LINGO2: variants seen among roughly 807,000 people sequenced by gnomAD.
The protein encoded by LINGO2 is leucine-rich repeat and immunoglobulin-like domain-containing nogo receptor-interacting protein 2.
In LINGO2, 14 loss-of-function variants were observed where a neutral mutation model predicts 30.6. The observed-to-expected ratio is 0.46, with a 90% confidence interval of 0.30 to 0.72. The LOEUF is 0.72. Among genes scored for constraint, LINGO2 ranks in the 30% least tolerant of loss-of-function variants. The pLI is 0.07. For missense variants in LINGO2, 729 were observed against 751.7 expected (o/e 0.97, Z 0.35); for synonymous variants, 317 against 288.5 (o/e 1.10, Z -1.00).
intron 4 of LINGO2, among the ~76,000 whole-genome samples, chr9:28,211,428 A>C (rs1165828290): frequency 6.6e-6 from 1 of 151,190 alleles, no homozygotes. Context: ...TTAAAGGTGT[A>C]CTGCCATGGT....
At chr9:28,275,008 C>T (rs7044934) in intron 4 of LINGO2, among the ~76,000 whole-genome samples, 1,834 of 152,208 alleles carry the variant, frequency 0.012, 49 homozygotes, top group African/African-American at 0.042. Context: ...TCTTCACCTC[C>T]GTCTTAAGTC....
At chr9:29,115,418 A>G in the LINGO2 span, among the ~76,000 whole-genome samples, 1 of 152,202 alleles carries the variant, frequency 6.6e-6, no homozygotes, top group South Asian at 2.1e-4. Flanking sequence ...TGAAACACCA[A>G]TCTTGAGTTT....
the LINGO2 span, among the ~76,000 whole-genome samples, chr9:29,184,342 G>A: frequency 6.6e-6 from 1 of 152,016 alleles, no homozygotes; most frequent in South Asian, 2.1e-4. Context: ...CTCTCAGGGA[G>A]TGTCACATAA....
the LINGO2 span, among the ~76,000 whole-genome samples, chr9:29,156,271 C>G: frequency 2.0e-5 from 3 of 152,024 alleles, no homozygotes; most frequent in Non-Finnish European, 2.9e-5. Context: ...AAAAAAGCCC[C>G]ATTAGACTTT....
At chr9:28,599,893 C>T (rs1183148884) in intron 1 of LINGO2, among the ~76,000 whole-genome samples, 4 of 152,038 alleles carry the variant, frequency 2.6e-5, no homozygotes, top group Non-Finnish European at 2.9e-5. Flanking sequence ...CAAGAGAAAC[C>T]ATGTGTGTTA....
chr9:28,819,606 C>G, the LINGO2 span, among the ~76,000 whole-genome samples: 2 of 152,084 alleles, frequency 1.3e-5, no homozygotes, highest in Non-Finnish European at 2.9e-5. Context: ...ACTCAAACAG[C>G]TATTATATTG....
At chr9:29,203,280 T>C in the LINGO2 span, among the ~76,000 whole-genome samples, 1 of 152,158 alleles carries the variant, frequency 6.6e-6, no homozygotes, top group African/African-American at 2.4e-5. Flanking sequence ...ATTAAAACCA[T>C]GTACAGCCAG....
intron 4 of LINGO2, among the ~76,000 whole-genome samples, chr9:28,218,297 T>C (rs1820840487): frequency 1.3e-5 from 2 of 151,366 alleles, no homozygotes; most frequent in Admixed American, 6.6e-5. Flanking sequence ...TTTTTAGTTA[T>C]GGAAATTTGG....
At chr9:28,045,879 T>TAC (rs1381042021) in intron 4 of LINGO2, among the ~76,000 whole-genome samples, 1 of 152,204 alleles carries the variant, frequency 6.6e-6, no homozygotes, top group Non-Finnish European at 1.5e-5. Context: ...TCTTCCCATC[T>TAC]ACTACAACCC....
chr9:29,008,759 A>C, the LINGO2 span, among the ~76,000 whole-genome samples: 1,004 of 152,068 alleles, frequency 6.6e-3, 15 homozygotes, highest in African/African-American at 0.023. Context: ...CCTTCACCCA[A>C]TTTTTGATGG....
the LINGO2 span, among the ~76,000 whole-genome samples, chr9:28,961,526 C>T: frequency 1.3e-5 from 2 of 152,260 alleles, no homozygotes; most frequent in East Asian, 1.9e-4. Context: ...ACTTAAACTA[C>T]AATTTATAAT....
At chr9:29,173,207 C>G in the LINGO2 span, among the ~76,000 whole-genome samples, 2 of 151,928 alleles carry the variant, frequency 1.3e-5, no homozygotes, top group Non-Finnish European at 2.9e-5. Flanking sequence ...AATAGAGTGT[C>G]CTGACTACTA....
chr9:27,983,126 T>G (rs1314312212), intron 5 of LINGO2, among the ~76,000 whole-genome samples: 1 of 151,936 alleles, frequency 6.6e-6, no homozygotes. Context: ...ACATACATTT[T>G]ATGTCTCAGA....
the LINGO2 span, among the ~76,000 whole-genome samples, chr9:29,188,476 C>A: frequency 6.6e-6 from 1 of 152,274 alleles, no homozygotes; most frequent in South Asian, 2.1e-4. Flanking sequence ...CCTTTCCCGC[C>A]TTTCTATTCC....
At chr9:27,974,427 C>G (rs199922883) in intron 5 of LINGO2, among the ~76,000 whole-genome samples, 1 of 152,016 alleles carries the variant, frequency 6.6e-6, no homozygotes, top group Admixed American at 6.6e-5. Flanking sequence ...TTTTGAAGGA[C>G]GGTAGCAATG....
chr9:29,134,837 T>G, the LINGO2 span, among the ~76,000 whole-genome samples: 1 of 152,056 alleles, frequency 6.6e-6, no homozygotes. Flanking sequence ...GAACTTACAA[T>G]GTAAAGGTAT....
At chr9:28,646,926 C>T (rs78787337) in intron 1 of LINGO2, among the ~76,000 whole-genome samples, 2 of 152,060 alleles carry the variant, frequency 1.3e-5, no homozygotes, top group African/African-American at 2.4e-5. Context: ...AGCTAATCAC[C>T]GAATGCATTG....
At chr9:28,953,695 A>G in the LINGO2 span, among the ~76,000 whole-genome samples, 14 of 152,090 alleles carry the variant, frequency 9.2e-5, no homozygotes. Flanking sequence ...ATAGACATGT[A>G]TTTTTGGAGA....
At chr9:28,445,179 C>T (rs1011727958) in intron 2 of LINGO2, among the ~76,000 whole-genome samples, 2 of 152,152 alleles carry the variant, frequency 1.3e-5, no homozygotes, top group Admixed American at 1.3e-4. Flanking sequence ...ACATTTTATC[C>T]TTTATTTTCA....
Sources: gnomAD v4.1 joint callset for allele counts (sites outside exome capture counted in the v4.1 genomes callset) on GRCh38, gnomAD v4.1.1 for gene constraint, MANE v1.5 for transcripts, NCBI Gene and HGNC (gene_info 2026-07-23, HGNC 2026-07-21) for gene names.